Variants in EFR3B observed in about 807,000 individuals in gnomAD.
The protein encoded by EFR3B is EFR3 homolog B.
A neutral mutation model predicts 104.7 loss-of-function variants in EFR3B; 64 were observed. That is an observed-to-expected ratio of 0.61 (90% CI 0.50 to 0.75). The LOEUF is 0.75. Ranked by LOEUF, EFR3B falls within the 30% of genes least tolerant of loss-of-function variation. EFR3B has a pLI of 0.00. For synonymous variants in EFR3B, 385 were observed against 417.9 expected (o/e 0.92, Z 0.96); for missense variants, 750 against 1,078.5 (o/e 0.70, Z 4.27).
rs1671229344 is a variant in EFR3B at position 25,158,304 on chromosome 2, G to A, written c.*3964G>A. The A allele has an allele frequency of 6.6e-6, 1 of 152,336 alleles. No homozygotes were observed. The highest frequency in any genetic ancestry group is 2.4e-5 in the African/African-American group (1 of 41,464). 9.4% of individuals were successfully genotyped at this position (152,336 alleles called of 1,614,324 possible). A position where few individuals can be genotyped will look rare whatever the true frequency, so the allele number is the denominator to read the frequency against. ...GGAAAGGGCTAACCTGGGCTGTTAG[G>A]TAGACACTAGGTTTAAAGGTAGACA... On this transcript the variant is annotated 3_prime_UTR_variant, in exon 23 of 23. Transcript: ENST00000403714.
intron 1 of EFR3B, among the ~76,000 whole-genome samples, chr2:25,053,843 G>T (rs180979553): frequency 6.6e-6 from 1 of 152,302 alleles, no homozygotes; most frequent in Admixed American, 6.5e-5. Flanking sequence ...GGAGGCAGAG[G>T]TTGCAGTGAG....
intron 1 of EFR3B, among the ~76,000 whole-genome samples, chr2:25,051,073 G>A (rs944602928): frequency 2.6e-5 from 4 of 152,092 alleles, no homozygotes; most frequent in Non-Finnish European, 5.9e-5. Context: ...GCTCATGGAG[G>A]CTCCACCCCC....
chr2:25,135,319 TG>T, intron 12 of EFR3B, 147 bp from the exon 13 acceptor site: 2 of 876,772 alleles, frequency 2.3e-6, no homozygotes, highest in Admixed American at 2.7e-5. Context: ...AAGAGTTGCC[TG>T]GGCTGTAGGG....
chr2:25,107,845 AT>A (rs953226181), intron 4 of EFR3B, among the ~76,000 whole-genome samples: 1 of 141,364 alleles, frequency 7.1e-6, no homozygotes, highest in Non-Finnish European at 1.6e-5. Context: ...TTCATTTTTT[AT>A]TTTATTTTTA....
rs999469185 is a variant in EFR3B, at chr2:25,157,106, T to C, written c.*2766T>C. 3 of 152,216 alleles carry C rather than the reference T, an allele frequency of 2.0e-5. No homozygotes were observed. Among genetic ancestry groups the C allele is most frequent in the African/African-American group, 7.2e-5 (3 of 41,462 alleles). 9.4% of individuals were successfully genotyped at this position (152,216 alleles called of 1,614,324 possible). ...GAGACAGAAAAGGTGCAGGTTCCCA[T>C]TCTGCATAGATTCTGCTGTTTCCTC... On this transcript the variant is annotated 3_prime_UTR_variant, in exon 23 of 23. Coordinates refer to ENST00000403714, the MANE Select transcript of EFR3B (RefSeq NM_014971.2).
intron 17 of EFR3B, among the ~76,000 whole-genome samples, chr2:25,142,530 G>A (rs1044453568): frequency 1.3e-5 from 2 of 151,286 alleles, no homozygotes; most frequent in African/African-American, 4.9e-5. Flanking sequence ...TGGTTGAGGC[G>A]GGCAGATCAC....
Position 25,121,678 on chromosome 2 carries a change from G to A in EFR3B, c.369G>A (p.Val123=). The change falls in exon 5 of 23, where the codon GTG becomes GTA. Residue 123 remains valine (V), a synonymous_variant. Coordinates refer to ENST00000403714, the MANE Select transcript of EFR3B (RefSeq NM_014971.2). ...CTCTCCTTCCTCCCTGATAGTTTGT[G>A]AAGTTTGCCAACATCGAGGAGGACA... ...NLQILGTNSF[V]KFANIEEDTP... 6.4e-7 allele frequency: 1 copy of A among 1,551,676 alleles called. No individual in the cohort carries two copies. Among genetic ancestry groups the A allele is most frequent in the Non-Finnish European group, 8.7e-7 (1 of 1,146,996 alleles).
chr2:25,080,282 GCT>G (rs1668756808), intron 1 of EFR3B: 8 of 176,996 alleles, frequency 4.5e-5, no homozygotes, highest in East Asian at 2.8e-4. Context: ...CCTCCCCAAA[GCT>G]TTTTTTTTTT....
Position 25,140,750 on chromosome 2 carries a change from C to T in EFR3B, c.1855-616C>T, listed in dbSNP as rs139530337. ...CCTTTGTACCTGTTTAAATAAAAAA[C>T]ACAGGAATGAGGCCAGGTGCAGCGG... On this transcript the variant is annotated intron_variant, in intron 16 of 22. Transcript: ENST00000403714. Among the ~76,000 whole-genome samples the T allele has an allele frequency of 4.5e-3, 683 of 152,204 alleles. 3 individuals are homozygous for T. Among genetic ancestry groups the T allele is most frequent in the Middle Eastern group, 0.024 (7 of 294 alleles).
At chr2:25,126,773 G>T (rs1460137111) in intron 5 of EFR3B, among the ~76,000 whole-genome samples, 2 of 152,026 alleles carry the variant, frequency 1.3e-5, no homozygotes, top group East Asian at 3.9e-4. Context: ...GGGGTTACAG[G>T]TGTGAGCCAC....
At chr2:25,124,042 C>G (rs566734055) in intron 5 of EFR3B, among the ~76,000 whole-genome samples, 1 of 152,282 alleles carries the variant, frequency 6.6e-6, no homozygotes, top group South Asian at 2.1e-4. Flanking sequence ...AATTTTCTTC[C>G]TTCCTCCTCT....
At chr2:25,134,619 A>C (rs1187990315) in intron 12 of EFR3B, among the ~76,000 whole-genome samples, 3 of 150,452 alleles carry the variant, frequency 2.0e-5, no homozygotes, top group African/African-American at 2.4e-5. Context: ...AACTCCCCCG[A>C]CCCCGCCGCC....
At chr2:25,091,458 C>CG (rs1669119445) in intron 2 of EFR3B, 57 bp downstream of exon 2, 1 of 1,473,990 alleles carries the variant, frequency 6.8e-7, no homozygotes, top group Non-Finnish European at 9.1e-7. Flanking sequence ...GGGCCTCTGA[C>CG]GGGGGCAGCT....
intron 17 of EFR3B, 93 bp downstream of exon 17, chr2:25,141,526 G>A (rs1404003259): frequency 1.5e-6 from 2 of 1,356,212 alleles, no homozygotes; most frequent in African/African-American, 1.5e-5. Context: ...AATGCCAGGA[G>A]GCTCAGACTT....
At position 25,067,420 on chromosome 2, in the gene EFR3B, G is replaced by GT. The variant is rs1258144143; in HGVS notation, c.8-23900dup. On this transcript the variant is annotated intron_variant, in intron 1 of 22. Transcript: ENST00000403714. ...TAGGTGTTCTACAGCCTCCTTTTTA[G>GT]TTTTTGTTTTTTTTTTTTTGTTTTT... 7.8e-4 allele frequency among the ~76,000 whole-genome samples: 111 copies of GT among 142,860 alleles called. 2 individuals carry two copies. Among genetic ancestry groups the GT allele is most frequent in the Non-Finnish European group, 1.0e-3 (66 of 65,452 alleles). 93.7% of individuals were successfully genotyped at this position (142,860 alleles called of 152,430 possible).
intron 3 of EFR3B, among the ~76,000 whole-genome samples, chr2:25,095,720 A>G (rs1315063429): frequency 6.6e-6 from 1 of 152,064 alleles, no homozygotes; most frequent in African/African-American, 2.4e-5. Flanking sequence ...AAAAGAATGT[A>G]CCAATATGTT....
chr2:25,121,605 G>A (rs1670016165), intron 4 of EFR3B, 68 bp from the exon 5 acceptor site: 1 of 1,539,914 alleles, frequency 6.5e-7, no homozygotes, highest in African/African-American at 1.4e-5. Flanking sequence ...GGGGGTCTGG[G>A]GATGCCCAGC....
At chr2:25,132,744 G>T (rs1670387673) in intron 10 of EFR3B, among the ~76,000 whole-genome samples, 159 bp from the exon 11 acceptor site, 1 of 152,188 alleles carries the variant, frequency 6.6e-6, no homozygotes. Flanking sequence ...CCCTTTCCTG[G>T]AGAGGCCGAA....
chr2:25,112,285 G>A (rs376501723), intron 4 of EFR3B, among the ~76,000 whole-genome samples: 5 of 152,264 alleles, frequency 3.3e-5, no homozygotes, highest in African/African-American at 9.6e-5. Flanking sequence ...GGTGTTCCCC[G>A]AGGTCTGTGC....
Sources: gnomAD v4.1 joint callset for allele counts (sites outside exome capture counted in the v4.1 genomes callset) on GRCh38, gnomAD v4.1.1 for gene constraint, MANE v1.5 for transcripts, NCBI Gene and HGNC (gene_info 2026-07-23, HGNC 2026-07-21) for gene names.